Variants in ARMH3 observed in about 807,000 individuals in gnomAD.
ARMH3 encodes armadillo-like helical domain-containing protein 3.
In ARMH3, 60 loss-of-function variants were observed where a neutral mutation model predicts 99.1. The observed-to-expected ratio is 0.61, with a 90% confidence interval of 0.49 to 0.75. The LOEUF is 0.75. Among genes scored for constraint, ARMH3 ranks in the 30% least tolerant of loss-of-function variants. The probability of loss-of-function intolerance (pLI) is 0.00; values close to 1 mark genes in which losing one functional copy is unlikely to be tolerated. For missense variants in ARMH3, 679 were observed against 843.1 expected (o/e 0.81, Z 2.41); for synonymous variants, 285 against 292.8 (o/e 0.97, Z 0.27).
intron 23 of ARMH3, among the ~76,000 whole-genome samples, chr10:101,904,148 C>A (rs2068045086): frequency 6.6e-6 from 1 of 152,172 alleles, no homozygotes; most frequent in South Asian, 2.1e-4. Context: ...TTGCAGCTGC[C>A]TGTTATAAGA....
intron 19 of ARMH3, among the ~76,000 whole-genome samples, chr10:101,981,793 T>G (rs1462300299): frequency 6.7e-6 from 1 of 150,106 alleles, no homozygotes; most frequent in African/African-American, 2.4e-5. Flanking sequence ...TAGAGGCGGG[T>G]GGATCACGAG....
chr10:101,851,731 G>A (rs902488001), intron 24 of ARMH3, among the ~76,000 whole-genome samples: 5 of 152,180 alleles, frequency 3.3e-5, no homozygotes, highest in African/African-American at 7.2e-5. Context: ...TACCGAGTTC[G>A]GTTTGGGAGG....
At chr10:101,983,230 G>A (rs1846310198) in intron 19 of ARMH3, among the ~76,000 whole-genome samples, 1 of 152,210 alleles carries the variant, frequency 6.6e-6, no homozygotes, top group African/African-American at 2.4e-5. Context: ...CTTCCAGGGA[G>A]AGAAGAGGGG....
In ARMH3 at chr10:101,905,676, G is replaced by C. The variant is rs558995498; in HGVS notation, c.1782-16186C>G. On this transcript the variant is annotated intron_variant, in intron 23 of 25. Coordinates refer to ENST00000370033, the MANE Select transcript of ARMH3 (RefSeq NM_024541.3). Reference sequence around the variant, plus strand: ...AGATGGGAGAGTGACAACAAATAAGGCTAGAAAGGTAGGTTGGGATCAAAT... The same window carrying C: ...AGATGGGAGAGTGACAACAAATAAGCCTAGAAAGGTAGGTTGGGATCAAAT... Among the ~76,000 whole-genome samples the C allele has an allele frequency of 1.3e-5, 2 of 152,294 alleles. 1 individual carries two copies. Among genetic ancestry groups the C allele is most frequent in the South Asian group, 4.1e-4 (2 of 4,820 alleles).
chr10:101,889,042 C>T (rs2067622729), intron 24 of ARMH3, among the ~76,000 whole-genome samples: 1 of 152,172 alleles, frequency 6.6e-6, no homozygotes. Flanking sequence ...TTAAGCTGAA[C>T]TCAGGGTTTT....
chr10:101,964,477 C>A (rs1041573482), intron 20 of ARMH3, among the ~76,000 whole-genome samples: 1 of 152,068 alleles, frequency 6.6e-6, no homozygotes, highest in South Asian at 2.1e-4. Context: ...TGGAAGCAAC[C>A]CAAATGTCCA....
At chr10:101,964,257 G>A (rs529506374) in intron 20 of ARMH3, among the ~76,000 whole-genome samples, 13 of 152,206 alleles carry the variant, frequency 8.5e-5, no homozygotes, top group East Asian at 7.7e-4. Flanking sequence ...TGATCTGCCC[G>A]CCTTGGCTTC....
chr10:101,976,496 A>T (rs910587575), intron 19 of ARMH3, among the ~76,000 whole-genome samples: 1 of 151,734 alleles, frequency 6.6e-6, no homozygotes, highest in Non-Finnish European at 1.5e-5. Flanking sequence ...ACTACTTATA[A>T]GTCAATAATC....
chr10:101,977,466 C>T (rs556629741), intron 19 of ARMH3, among the ~76,000 whole-genome samples: 1 of 152,164 alleles, frequency 6.6e-6, no homozygotes, highest in Non-Finnish European at 1.5e-5. Context: ...TGGCAAACTA[C>T]ATGGGAAATT....
intron 23 of ARMH3, among the ~76,000 whole-genome samples, chr10:101,909,827 T>A (rs1356314368): frequency 6.6e-6 from 1 of 152,128 alleles, no homozygotes; most frequent in Admixed American, 6.6e-5. Context: ...GTATCTCATA[T>A]CTATATATAC....
At chr10:101,887,675 T>C (rs1000366301) in intron 24 of ARMH3, among the ~76,000 whole-genome samples, 1 of 145,612 alleles carries the variant, frequency 6.9e-6, no homozygotes, top group Non-Finnish European at 1.5e-5. Flanking sequence ...TCAAGCAATC[T>C]GCCCACCTCA....
intron 23 of ARMH3, among the ~76,000 whole-genome samples, chr10:101,920,760 T>C (rs1053043841): frequency 6.6e-6 from 1 of 152,064 alleles, no homozygotes. Context: ...CACCAACAGA[T>C]AACTGGATAA....
chr10:101,931,914 T>C (rs1312647921), intron 23 of ARMH3, among the ~76,000 whole-genome samples: 1 of 152,174 alleles, frequency 6.6e-6, no homozygotes, highest in Admixed American at 6.5e-5. Flanking sequence ...CTAAGTTAAA[T>C]TTCATCAAAA....
chr10:102,023,419 G>A, intron 8 of ARMH3, 58 bp downstream of exon 8: 1 of 1,461,670 alleles, frequency 6.8e-7, no homozygotes, highest in Non-Finnish European at 9.5e-7. Flanking sequence ...CTTTAGGAGG[G>A]GCCGCATTTA....
At chr10:101,879,159 CT>C (rs1401346628) in intron 24 of ARMH3, among the ~76,000 whole-genome samples, 1 of 152,120 alleles carries the variant, frequency 6.6e-6, no homozygotes, top group Non-Finnish European at 1.5e-5. Context: ...TTCAGAATAT[CT>C]GACACACTTA....
chr10:101,928,500 G>A (rs1282284725), intron 23 of ARMH3, among the ~76,000 whole-genome samples: 7 of 152,102 alleles, frequency 4.6e-5, no homozygotes, highest in East Asian at 1.9e-4. Flanking sequence ...GGGAGAAAAC[G>A]AGATACAAAA....
At chr10:102,031,003 G>T (rs777561037) in intron 4 of ARMH3, among the ~76,000 whole-genome samples, 1 of 151,634 alleles carries the variant, frequency 6.6e-6, no homozygotes, top group South Asian at 2.1e-4. Context: ...GGCCAGGCTG[G>T]TATCGAACTC....
At chr10:101,995,887 G>A (rs1465161785) in intron 15 of ARMH3, among the ~76,000 whole-genome samples, 1 of 152,180 alleles carries the variant, frequency 6.6e-6, no homozygotes, top group East Asian at 1.9e-4. Context: ...GTGAACTCTT[G>A]ATCATTTTTC....
At chr10:102,025,433 C>T (rs1397545572) in intron 5 of ARMH3, among the ~76,000 whole-genome samples, 185 bp from the exon 6 acceptor site, 9 of 152,020 alleles carry the variant, frequency 5.9e-5, no homozygotes, top group Non-Finnish European at 1.3e-4. Context: ...GCTGGGGTTG[C>T]TAAGAAAGAA....
Sources: gnomAD v4.1 joint callset for allele counts (sites outside exome capture counted in the v4.1 genomes callset) on GRCh38, gnomAD v4.1.1 for gene constraint, MANE v1.5 for transcripts, NCBI Gene and HGNC (gene_info 2026-07-23, HGNC 2026-07-21) for gene names.